Variants in GRIP2 observed in about 807,000 individuals in gnomAD.
The protein encoded by GRIP2 is glutamate receptor-interacting protein 2.
Under a neutral mutation model 108.3 loss-of-function variants are expected in GRIP2, and 58 were observed. That is an observed-to-expected ratio of 0.54 (90% CI 0.43 to 0.67). The LOEUF (loss-of-function observed/expected upper bound fraction) is 0.67, where lower values mean the gene tolerates loss of function less well. GRIP2 is among the 30% of genes least tolerant of loss of function. GRIP2 has a pLI of 0.00. For missense variants in GRIP2, 1,278 were observed against 1,430.6 expected, an observed-to-expected ratio of 0.89 and a Z score of 1.72; for synonymous variants, 586 against 598.2, an observed-to-expected ratio of 0.98 and a Z score of 0.30.
chr3:14,559,601 T>C (rs1239177150), upstream of GRIP2, among the ~76,000 whole-genome samples: 1 of 152,100 alleles, frequency 6.6e-6, no homozygotes, highest in Non-Finnish European at 1.5e-5. Context: ...ACCTCTGTCT[T>C]GGGGGTGCAG....
chr3:14,573,417 A>T, the GRIP2 span: 1 of 1,351,258 alleles, frequency 7.4e-7, no homozygotes, highest in Non-Finnish European at 1.1e-6. Context: ...CAGGTAGTGC[A>T]GGATCCTGGT....
Position 14,512,852 on chromosome 3 carries a change from C to A in GRIP2, c.1645G>T (p.Val549Phe). The change falls in exon 14 of 24, where the codon GTC becomes TTC. Residue 549 changes from valine to phenylalanine, a missense_variant. Val to Phe is a conservative substitution (Grantham distance 50, BLOSUM62 -1). Transcript: ENST00000621039. The surrounding 1 kb of genome is among the most constrained non-coding windows in gnomAD (Gnocchi z 5.1). ...LEVEFDVAES[V>F]IPSSGTFHVK... is the part of the protein sequence containing the mutation. ...TGGAAGGTGCCACTGCTTGGGATGACGGACTCTGGGGGTAGATGGACATAA... is the reference window on the plus strand; with the variant it reads ...TGGAAGGTGCCACTGCTTGGGATGAAGGACTCTGGGGGTAGATGGACATAA... 6.2e-7 allele frequency: 1 copy of A among 1,613,654 alleles called. No individual in the cohort carries two copies. The highest frequency in any genetic ancestry group is 1.1e-5 in the South Asian group (1 of 91,084).
At chr3:14,541,459 C>A (rs920592726), upstream of GRIP2, among the ~76,000 whole-genome samples, 1 of 152,194 alleles carries the variant, frequency 6.6e-6, no homozygotes, top group Admixed American at 6.5e-5. Flanking sequence ...GAGGGCTGCC[C>A]GGTAGTTAGG....
upstream of GRIP2, among the ~76,000 whole-genome samples, chr3:14,556,606 C>A (rs1695240398): frequency 6.6e-6 from 1 of 152,208 alleles, no homozygotes. Context: ...AACGAGGAGA[C>A]CTAGGCCCCG....
Position 14,507,677 on chromosome 3 carries a change from T to TC in GRIP2, c.2101dup (p.Asp701GlyfsTer10). On this transcript the variant is annotated frameshift_variant, in exon 18 of 24. Coordinates refer to ENST00000621039, the MANE Select transcript of GRIP2 (RefSeq NM_001080423.4). LOFTEE classifies it high-confidence loss of function. The surrounding 1 kb of genome is among the most constrained non-coding windows in gnomAD (Gnocchi z 4.6). ...AACGTTGTTGATGGCCAGAATGCGGTCCCCCACGTGGATGGCACCAGTCCT... is the reference window on the plus strand; with the variant it reads ...AACGTTGTTGATGGCCAGAATGCGGTCCCCCCACGTGGATGGCACCAGTCCT... 1.4e-5 allele frequency: 23 copies of TC among 1,613,776 alleles called. No homozygotes were observed. Among genetic ancestry groups the TC allele is most frequent in the Non-Finnish European group, 1.9e-5 (23 of 1,179,836 alleles).
intron 3 of GRIP2, among the ~76,000 whole-genome samples, chr3:14,525,226 GC>G (rs1575016729): frequency 1.3e-5 from 2 of 152,300 alleles, no homozygotes; most frequent in East Asian, 3.9e-4. Context: ...CTATGGCCAA[GC>G]CCCTGGTGTA....
At chr3:14,528,198 T>C (rs963419694) in intron 1 of GRIP2, among the ~76,000 whole-genome samples, 3 of 152,236 alleles carry the variant, frequency 2.0e-5, no homozygotes, top group Non-Finnish European at 2.9e-5. Flanking sequence ...ACATTTAGCA[T>C]AACCATTTGA....
At position 14,505,206 on chromosome 3, in the gene GRIP2, G is replaced by A. The variant is rs1260673610; in HGVS notation, c.2573+409C>T. Among the ~76,000 whole-genome samples the A allele has an allele frequency of 1.3e-5, 2 of 152,200 alleles. No homozygotes were observed. Among genetic ancestry groups the A allele is most frequent in the Non-Finnish European group, 2.9e-5 (2 of 68,034 alleles). On this transcript the variant is annotated intron_variant, in intron 20 of 23. Transcript: ENST00000621039. The surrounding 1 kb of genome is among the most constrained non-coding windows in gnomAD (Gnocchi z 4.2). ...TCTCCACAGCCTGCTCTCTGCAGGA[G>A]CCTTCTCCAGCGGCTCAGCCACTCG...
At chr3:14,566,501 A>C in the GRIP2 span, among the ~76,000 whole-genome samples, 10 of 152,258 alleles carry the variant, frequency 6.6e-5, no homozygotes, top group Non-Finnish European at 1.2e-4. Flanking sequence ...TTAGAACCGC[A>C]GCAGAGAATG....
intron 13 of GRIP2, among the ~76,000 whole-genome samples, chr3:14,513,336 C>T (rs541836656): frequency 6.6e-6 from 1 of 152,310 alleles, no homozygotes; most frequent in Admixed American, 6.5e-5. Context: ...CAAAGCCACA[C>T]TGTGTTGAGG....
Position 14,507,718 on chromosome 3 carries a change from G to A in GRIP2, c.2079-18C>T. 6.2e-7 allele frequency: 1 copy of A among 1,609,408 alleles called. No homozygotes were observed. The highest frequency in any genetic ancestry group is 8.5e-7 in the Non-Finnish European group (1 of 1,176,070). On this transcript the variant is annotated intron_variant, in intron 17 of 23. Transcript: ENST00000621039. The surrounding 1 kb of genome is among the most constrained non-coding windows in gnomAD (Gnocchi z 4.6). The stretch of plus-strand genomic sequence containing the variant: ...CACCAGTCCTGAGGAGTGGATGCAG[G>A]GCAGAGAATGGGAGTTAGACACTCA...
intron 2 of GRIP2, 137 bp from the exon 3 acceptor site, chr3:14,525,709 T>C: frequency 7.6e-7 from 1 of 1,318,158 alleles, no homozygotes; most frequent in South Asian, 1.3e-5. Flanking sequence ...ACCTCCTTTT[T>C]ACAGAGGAGA....
upstream of GRIP2, among the ~76,000 whole-genome samples, chr3:14,545,479 A>G (rs1486653192): frequency 6.6e-6 from 1 of 152,236 alleles, no homozygotes; most frequent in Non-Finnish European, 1.5e-5. Flanking sequence ...AGGGGCTGGG[A>G]ACCCCTGACT....
At chr3:14,547,520 T>A (rs1695075867) in intron 1 of GRIP2, among the ~76,000 whole-genome samples, 1 of 152,172 alleles carries the variant, frequency 6.6e-6, no homozygotes, top group African/African-American at 2.4e-5. Context: ...AATAAATAGG[T>A]GCCTCAAATG....
Position 14,522,762 on chromosome 3 carries a change from A to G in GRIP2, c.566+238T>C. The G allele has an allele frequency of 1.9e-6, 1 of 523,688 alleles. No homozygotes were observed. The highest frequency in any genetic ancestry group is 3.4e-6 in the Non-Finnish European group (1 of 292,134). 32.4% of individuals were successfully genotyped at this position (523,688 alleles called of 1,614,324 possible). On this transcript the variant is annotated intron_variant, in intron 6 of 23. Transcript: ENST00000621039. The surrounding 1 kb of genome is among the most constrained non-coding windows in gnomAD (Gnocchi z 4.3). ...ACGACACCAAGGCTGCCCCTCTCCA[A>G]ACACCCCAACCCCTGAGACAGCAGT...
At chr3:14,519,026 G>A (rs1694333904) in intron 9 of GRIP2, among the ~76,000 whole-genome samples, 1 of 152,230 alleles carries the variant, frequency 6.6e-6, no homozygotes, top group Non-Finnish European at 1.5e-5. Context: ...AAAGTGGGAG[G>A]ACAGTAAGAC....
chr3:14,566,043 T>C, the GRIP2 span, among the ~76,000 whole-genome samples: 1 of 152,182 alleles, frequency 6.6e-6, no homozygotes, highest in East Asian at 1.9e-4. Context: ...GAGGAGCGCA[T>C]CCCAGAGGTG....
chr3:14,555,834 G>A, intron 1 of GRIP2: 1 of 399,230 alleles, frequency 2.5e-6, no homozygotes, highest in Non-Finnish European at 4.4e-6. Flanking sequence ...AGGGGTGACT[G>A]AGGACAGGCA....
the GRIP2 span, among the ~76,000 whole-genome samples, chr3:14,591,415 A>T: frequency 6.6e-6 from 1 of 152,326 alleles, no homozygotes; most frequent in South Asian, 2.1e-4. Flanking sequence ...ACTTCCCAGC[A>T]GCGCATCTTT....
Sources: gnomAD v4.1 joint callset for allele counts (sites outside exome capture counted in the v4.1 genomes callset) on GRCh38, gnomAD v4.1.1 for gene constraint, Gnocchi (gnomAD v3.1) non-coding constraint, MANE v1.5 for transcripts, NCBI Gene and HGNC (gene_info 2026-07-23, HGNC 2026-07-21) for gene names.